ZNF705A: variants seen among roughly 807,000 people sequenced by gnomAD.
ZNF705A encodes zinc finger protein 705A.
ZNF705A carries 8 observed loss-of-function variants against 16.6 expected under a neutral mutation model. The ratio of observed to expected loss-of-function variants is 0.48; its 90% CI spans 0.28 to 0.87. ZNF705A has a LOEUF of 0.87. Among genes scored for constraint, ZNF705A ranks in the 40% least tolerant of loss-of-function variants. The pLI is 0.10. For missense variants in ZNF705A, 233 were observed against 359.9 expected (o/e 0.65, Z 2.85); for synonymous variants, 73 against 117.3 (o/e 0.62, Z 2.44).
rs36022408 is a variant in ZNF705A at position 8,165,278 on chromosome 12, A to ATTTTTTTT, written c.-71-7262_-71-7255dup. Among the ~76,000 whole-genome samples the ATTTTTTTT allele has an allele frequency of 5.3e-5, 5 of 94,486 alleles. 1 individual carries two copies. Among genetic ancestry groups the ATTTTTTTT allele is most frequent in the African/African-American group, 2.4e-4 (5 of 20,846 alleles). The allele number at this position is 94,486 out of a possible 152,430, so 62.0% of individuals were successfully genotyped here. ...GAAATGTCTACTCAGATCTTTGCCCATTTTTTTTTTTTTTTTTTTTTTGAG... is the reference window on the plus strand; with the variant it reads ...GAAATGTCTACTCAGATCTTTGCCCATTTTTTTTTTTTTTTTTTTTTTTTTTTTTTGAG... On this transcript the variant is annotated intron_variant, in intron 1 of 5. Transcript: ENST00000396570.
chr12:8,157,186 T>C (rs1479300917), intron 1 of ZNF705A, 94 bp downstream of exon 1: 2 of 395,080 alleles, frequency 5.1e-6, no homozygotes, highest in East Asian at 3.6e-5. Flanking sequence ...TAAGTCCTGC[T>C]GCTTCAACTG....
chr12:8,166,620 C>T (rs1227351601), intron 1 of ZNF705A, among the ~76,000 whole-genome samples: 1 of 152,204 alleles, frequency 6.6e-6, no homozygotes, highest in Non-Finnish European at 1.5e-5. Context: ...TTGTAAATTG[C>T]CCAGTCTCAG....
upstream of ZNF705A, among the ~76,000 whole-genome samples, chr12:8,167,844 A>C (rs1461661002): frequency 6.6e-6 from 1 of 152,216 alleles, no homozygotes; most frequent in Non-Finnish European, 1.5e-5. Context: ...GTGGAAGTTT[A>C]TTTAAAAAGG....
chr12:8,179,149 A>G (rs1409197398), exon 5 of ZNF705A: 2 of 152,098 alleles, frequency 1.3e-5, no homozygotes, highest in African/African-American at 4.8e-5. Flanking sequence ...CTTCTCTTCT[A>G]TCCCTCAGAA....
intron 1 of ZNF705A, among the ~76,000 whole-genome samples, chr12:8,161,901 G>GTAGAAAAA (rs1252816628): frequency 6.6e-6 from 1 of 152,182 alleles, no homozygotes; most frequent in Non-Finnish European, 1.5e-5. Flanking sequence ...ACAGAAGAAA[G>GTAGAAAAA]TAGAAAAATA....
chr12:8,169,402 C>T (rs530544771), upstream of ZNF705A, among the ~76,000 whole-genome samples: 94 of 152,156 alleles, frequency 6.2e-4, no homozygotes, highest in Non-Finnish European at 1.2e-3. Flanking sequence ...CTTGCAATCC[C>T]GTCAAGATAA....
At chr12:8,169,598 T>C (rs891222640), upstream of ZNF705A, among the ~76,000 whole-genome samples, 1 of 152,212 alleles carries the variant, frequency 6.6e-6, no homozygotes, top group African/African-American at 2.4e-5. Context: ...TGTTGAGAAG[T>C]GAGAGAATCT....
At chr12:8,164,055 C>T (rs943277204) in intron 1 of ZNF705A, among the ~76,000 whole-genome samples, 1 of 151,942 alleles carries the variant, frequency 6.6e-6, no homozygotes. Context: ...TCCCTGAGTC[C>T]CCCCCTTTAT....
intron 3 of ZNF705A, among the ~76,000 whole-genome samples, chr12:8,175,540 A>G (rs1948478607): frequency 6.6e-6 from 1 of 152,180 alleles, no homozygotes; most frequent in South Asian, 2.1e-4. Flanking sequence ...ACTTTTAGGA[A>G]AAGGATAATT....
At chr12:8,179,343 C>G (rs1013234175) in exon 5 of ZNF705A, 34 of 152,328 alleles carry the variant, frequency 2.2e-4, no homozygotes, top group African/African-American at 7.9e-4. Context: ...TGTCAGCCAC[C>G]TTGCAAGCCT....
chr12:8,176,687 T>C (rs1280518462), intron 4 of ZNF705A, among the ~76,000 whole-genome samples: 11 of 152,154 alleles, frequency 7.2e-5, no homozygotes, highest in Non-Finnish European at 8.8e-5. Flanking sequence ...ATGGTGTAAT[T>C]TTAACAGCTC....
At chr12:8,179,147 C>T (rs1948511030) in exon 5 of ZNF705A, 1 of 152,178 alleles carries the variant, frequency 6.6e-6, no homozygotes, top group South Asian at 2.1e-4. Context: ...CTCTTCTCTT[C>T]TATCCCTCAG....
intron 2 of ZNF705A, among the ~76,000 whole-genome samples, chr12:8,174,883 G>A (rs1369079001): frequency 1.3e-5 from 2 of 150,146 alleles, no homozygotes; most frequent in South Asian, 2.1e-4. Context: ...ATTTTTTTTT[G>A]TTCTGTGTGA....
intron 1 of ZNF705A, among the ~76,000 whole-genome samples, chr12:8,163,981 C>T (rs1470708693): frequency 6.6e-6 from 1 of 152,058 alleles, no homozygotes; most frequent in Non-Finnish European, 1.5e-5. Flanking sequence ...TCTCAGTGAG[C>T]TTGGGGATAA....
chr12:8,163,292 TTA>T (rs1438483916), intron 1 of ZNF705A, among the ~76,000 whole-genome samples: 5 of 152,208 alleles, frequency 3.3e-5, no homozygotes, highest in Non-Finnish European at 5.9e-5. Context: ...ATACAGACGC[TTA>T]GTTCCATCTC....
chr12:8,177,308 A>G (rs779923254), exon 5 of ZNF705A: 1 of 1,611,834 alleles, frequency 6.2e-7, no homozygotes, highest in Admixed American at 1.7e-5. Flanking sequence ...AAAAGCCTTC[A>G]CTCAGTGTTC....
chr12:8,177,104 A>C (rs10743253), exon 5 of ZNF705A: 848,847 of 1,610,950 alleles, frequency 0.53, 228,382 homozygotes, highest in Non-Finnish European at 0.56. Context: ...CAGTGGAAAG[A>C]AACCCTATGT....
At chr12:8,167,799 GAA>G (rs1227038274), upstream of ZNF705A, among the ~76,000 whole-genome samples, 1 of 152,168 alleles carries the variant, frequency 6.6e-6, no homozygotes, top group African/African-American at 2.4e-5. Context: ...GCATACAGCG[GAA>G]AAAGAGACTG....
chr12:8,174,442 G>A lies in ZNF705A; in HGVS notation c.129G>A (p.Leu43=), dbSNP rs984313562. 4.4e-6 allele frequency: 7 copies of A among 1,593,290 alleles called. No homozygotes were observed. The Admixed American group carries it at 6.7e-5, about 15-fold the overall frequency. The change falls in exon 2 of 5, where the codon CTG becomes CTA. Residue 43 remains leucine, a synonymous_variant. Transcript: ENST00000359286. ...TGATGCTGGAAAATATCAGTCACCT[G>A]GTGTCCCTCGGTGAGTCCCTCAACA...
Sources: allele counts gnomAD v4.1 joint callset (sites outside exome capture counted in the v4.1 genomes callset), GRCh38; gene constraint gnomAD v4.1.1; transcripts MANE v1.5; gene names NCBI Gene and HGNC (gene_info 2026-07-23, HGNC 2026-07-21).